TRPM4: variants seen among roughly 807,000 people sequenced by gnomAD.
TRPM4 encodes transient receptor potential cation channel subfamily M member 4.
Under a neutral mutation model 135.6 loss-of-function variants are expected in TRPM4, and 124 were observed. The ratio of observed to expected loss-of-function variants is 0.91; its 90% CI spans 0.79 to 1.06. The LOEUF is 1.06. Ranked by LOEUF, TRPM4 falls within the 50% of genes least tolerant of loss-of-function variation. The probability of loss-of-function intolerance (pLI) is 0.00; values close to 1 mark genes in which losing one functional copy is unlikely to be tolerated. For synonymous variants in TRPM4, 745 were observed against 705.6 expected (o/e 1.06, Z -0.88); for missense variants, 1,658 against 1,671.4 (o/e 0.99, Z 0.14).
intron 16 of TRPM4, among the ~76,000 whole-genome samples, chr19:49,193,936 T>A (rs1968513720): frequency 6.6e-6 from 1 of 150,792 alleles, no homozygotes. Flanking sequence ...CTCCTCTTCA[T>A]CCTCCTCCTC....
chr19:49,182,439 TCCATCCATCCAC>T (rs1343663056), intron 10 of TRPM4, 127 bp from the exon 11 acceptor site: 21 of 708,078 alleles, frequency 3.0e-5, no homozygotes, highest in South Asian at 1.2e-4. Context: ...TATCCATTCA[TCCATCCATCCAC>T]CCATCCATCC....
At chr19:49,176,219 C>T (rs541142073) in intron 9 of TRPM4, among the ~76,000 whole-genome samples, 11 of 152,042 alleles carry the variant, frequency 7.2e-5, no homozygotes, top group Admixed American at 4.6e-4. Context: ...CCACCGCGCC[C>T]GGCCTTAATT....
At chr19:49,175,089 T>G (rs1163821772) in intron 9 of TRPM4, among the ~76,000 whole-genome samples, 1 of 120,452 alleles carries the variant, frequency 8.3e-6, no homozygotes, top group African/African-American at 2.8e-5. Flanking sequence ...TTTTTTTTTT[T>G]TTTGAGACGG....
Position 49,210,778 on chromosome 19 carries a change from C to T in TRPM4, c.3397C>T (p.Leu1133=), listed in dbSNP as rs766101913. 1 of 1,613,946 alleles carries T rather than the reference C, an allele frequency of 6.2e-7. No individual in the cohort carries two copies. Among genetic ancestry groups the T allele is most frequent in the Admixed American group, 1.7e-5 (1 of 60,008 alleles). The change falls in exon 22 of 25, where the codon CTG becomes TTG. Residue 1133 remains leucine, a synonymous_variant. Coordinates refer to ENST00000252826, the MANE Select transcript of TRPM4 (RefSeq NM_017636.4). The surrounding 1 kb of genome is among the most constrained non-coding windows in gnomAD (Gnocchi z 4.1). ...GGAATCGGTGCATAAGGAGAACTTT[C>T]TGCTGGCACGCGCTAGGGACAAGCG... The part of the protein sequence containing the change: ...TWESVHKENF[L]LARARDKRES...
At chr19:49,183,709 C>A (rs10413898) in intron 12 of TRPM4, among the ~76,000 whole-genome samples, 50,070 of 151,182 alleles carry the variant, frequency 0.33, 8,505 homozygotes, top group South Asian at 0.4. Context: ...GGCCAAGATT[C>A]TCTCTTTGTT....
In TRPM4 at chr19:49,211,513, C is replaced by G. The variant is rs750453761; in HGVS notation, c.*15C>G. 3.3e-5 allele frequency: 54 copies of G among 1,613,984 alleles called. No individual in the cohort carries two copies. Among genetic ancestry groups the G allele is most frequent in the Non-Finnish European group, 4.1e-5 (48 of 1,180,050 alleles). On this transcript the variant is annotated 3_prime_UTR_variant, in exon 25 of 25. Coordinates refer to ENST00000252826, the MANE Select transcript of TRPM4 (RefSeq NM_017636.4). The surrounding 1 kb of genome is among the most constrained non-coding windows in gnomAD (Gnocchi z 4.8). ...CCCCAGACTGAGCCCTGCTGGCGGACTTCAAGGAGAAGCCCCCACAGGGGA... is the reference window on the plus strand; with the variant it reads ...CCCCAGACTGAGCCCTGCTGGCGGAGTTCAAGGAGAAGCCCCCACAGGGGA...
rs113511535 is a variant in TRPM4 at position 49,160,256 on chromosome 19, C to T, written c.92+1997C>T. Among the ~76,000 whole-genome samples, 931 of 152,206 alleles carry T rather than the reference C, an allele frequency of 6.1e-3. 12 individuals carry two copies. The highest frequency in any genetic ancestry group is 0.021 in the African/African-American group (883 of 41,530). Reference sequence around the variant, plus strand: ...CTGTCATCCCAACAATCTGGGAGGCCGAGGCGGGTGGATCACCTAAGTCAG... The same window carrying T: ...CTGTCATCCCAACAATCTGGGAGGCTGAGGCGGGTGGATCACCTAAGTCAG... On this transcript the variant is annotated intron_variant, in intron 2 of 24. Transcript: ENST00000252826.
chr19:49,196,379 T>G, intron 16 of TRPM4, 61 bp from the exon 17 acceptor site: 3 of 1,419,244 alleles, frequency 2.1e-6, no homozygotes, highest in Non-Finnish European at 2.8e-6. Context: ...TCGATGATGG[T>G]GGAGATCAGG....
intron 9 of TRPM4, among the ~76,000 whole-genome samples, chr19:49,180,857 C>T (rs1194158381): frequency 6.6e-6 from 1 of 151,968 alleles, no homozygotes; most frequent in Admixed American, 6.6e-5. Context: ...GTTCATTCAT[C>T]CATCTCTTTA....
At chr19:49,177,336 T>C (rs997348620) in intron 9 of TRPM4, among the ~76,000 whole-genome samples, 1 of 126,524 alleles carries the variant, frequency 7.9e-6, no homozygotes. Flanking sequence ...GCGTCTTTTT[T>C]TTTTTTTTTT....
rs56118173 is a variant in TRPM4 at position 49,182,682 on chromosome 19, C to G, written c.1368C>G (p.Thr456=). ...SHGLSLGHFL[T]PMRLAQLYSA... The stretch of plus-strand genomic sequence containing the variant: ...GCCTCAGCCTGGGCCACTTCCTGAC[C>G]CCGATGCGCCTGGCCCAACTCTACA... Residue 456 remains threonine, a synonymous_variant, in exon 11 of 25, where the codon ACC becomes ACG. Transcript: ENST00000252826. The G allele has an allele frequency of 3.2e-3, 5,229 of 1,614,204 alleles. 6 individuals are homozygous for G. Among genetic ancestry groups the G allele is most frequent in the Non-Finnish European group, 4.1e-3 (4,821 of 1,180,034 alleles).
intron 16 of TRPM4, among the ~76,000 whole-genome samples, chr19:49,191,840 C>T (rs1027400198): frequency 6.6e-6 from 1 of 152,096 alleles, no homozygotes; most frequent in Non-Finnish European, 1.5e-5. Context: ...GGACAAACAT[C>T]CAAACTATAT....
intron 12 of TRPM4, among the ~76,000 whole-genome samples, chr19:49,183,732 AAT>A (rs1968089518): frequency 1.3e-5 from 2 of 149,490 alleles, no homozygotes; most frequent in African/African-American, 4.9e-5. Context: ...GGCCTTTGAT[AAT>A]ATATCTCAGT....
chr19:49,172,440 GTCCA>G (rs1368979537), intron 9 of TRPM4, among the ~76,000 whole-genome samples: 7 of 151,912 alleles, frequency 4.6e-5, no homozygotes, highest in Non-Finnish European at 1.0e-4. Context: ...CCTTTCACCT[GTCCA>G]TCCACACATC....
chr19:49,157,854 C>A lies in TRPM4; in HGVS notation c.-13C>A. The A allele has an allele frequency of 6.5e-7, 1 of 1,534,566 alleles. No individual in the cohort carries two copies. Among genetic ancestry groups the A allele is most frequent in the Non-Finnish European group, 8.7e-7 (1 of 1,146,272 alleles). On this transcript the variant is annotated 5_prime_UTR_variant, in exon 1 of 25. Coordinates refer to ENST00000252826, the MANE Select transcript of TRPM4 (RefSeq NM_017636.4). ...GGCCCTGGGCTGCAGGAGGTTGCGGCGGCCGCGGCAGCATGGTGGTGCCGG... is the reference window on the plus strand; with the variant it reads ...GGCCCTGGGCTGCAGGAGGTTGCGGAGGCCGCGGCAGCATGGTGGTGCCGG...
intron 17 of TRPM4, among the ~76,000 whole-genome samples, chr19:49,197,871 TAG>T (rs1401299537): frequency 6.6e-5 from 10 of 151,880 alleles, no homozygotes; most frequent in African/African-American, 2.4e-4. Flanking sequence ...ATTTTTTTTG[TAG>T]AGATGGGGCT....
Position 49,189,021 on chromosome 19 carries a change from G to A in TRPM4, c.1949G>A (p.Gly650Glu). ...CTCCTCCGTCGCTGCCCGCTCTGGGGGGATGCCACTTGCCTCCAGCTGGCC... is the reference window on the plus strand; with the variant it reads ...CTCCTCCGTCGCTGCCCGCTCTGGGAGGATGCCACTTGCCTCCAGCTGGCC... ...RLLLRRCPLWGDATCLQLAMQ... is the reference protein window; with the variant it reads ...RLLLRRCPLWEDATCLQLAMQ... The change falls in exon 14 of 25, where the codon GGG becomes GAG. Residue 650 changes from glycine to glutamate, a missense_variant. By Grantham distance (98) the Gly-to-Glu change is moderately conservative. Coordinates refer to ENST00000252826, the MANE Select transcript of TRPM4 (RefSeq NM_017636.4). The A allele has an allele frequency of 6.2e-7, 1 of 1,614,166 alleles. No individual in the cohort carries two copies. The highest frequency in any genetic ancestry group is 1.1e-5 in the South Asian group (1 of 91,084).
chr19:49,175,424 G>A (rs1326209352), intron 9 of TRPM4, among the ~76,000 whole-genome samples: 1 of 151,868 alleles, frequency 6.6e-6, no homozygotes, highest in East Asian at 1.9e-4. Context: ...GCCCAGGCTG[G>A]TCTCGAACTC....
intron 19 of TRPM4, 25 bp downstream of exon 19, chr19:49,200,810 C>T (rs1171227811): frequency 3.1e-6 from 5 of 1,612,460 alleles, no homozygotes; most frequent in East Asian, 2.2e-5. Flanking sequence ...GGCCTGACAG[C>T]CTTCCTCTGA....
Sources: gnomAD v4.1 joint callset for allele counts (sites outside exome capture counted in the v4.1 genomes callset) on GRCh38, gnomAD v4.1.1 for gene constraint, Gnocchi (gnomAD v3.1) non-coding constraint, MANE v1.5 for transcripts, NCBI Gene and HGNC (gene_info 2026-07-23, HGNC 2026-07-21) for gene names.